AMACR: variants seen among roughly 807,000 people sequenced by gnomAD.
AMACR encodes 2-methylacyl-CoA racemase.
In AMACR, 18 loss-of-function variants were observed where a neutral mutation model predicts 22.2. The ratio of observed to expected loss-of-function variants is 0.81; its 90% confidence interval spans 0.56 to 1.20. The LOEUF (loss-of-function observed/expected upper bound fraction) is 1.20. AMACR is among the 50% of genes most tolerant of loss of function. The pLI, the probability that AMACR is intolerant of heterozygous loss-of-function variation, is 0.00. For missense variants in AMACR, 499 were observed against 490.6 expected (o/e 1.02, Z -0.16); for synonymous variants, 213 against 191.3 (o/e 1.11, Z -0.94).
chr5:33,990,164 C>A (rs114229658), intron 4 of AMACR, among the ~76,000 whole-genome samples: 1 of 152,130 alleles, frequency 6.6e-6, no homozygotes. Context: ...ACCCATCCAT[C>A]CATCCATACA....
chr5:33,988,699 T>C lies in AMACR; in HGVS notation c.*394A>G. 1 of 1,204,176 alleles carries C rather than the reference T, an allele frequency of 8.3e-7. No individual in the cohort carries two copies. The highest frequency in any genetic ancestry group is 2.3e-5 in the South Asian group (1 of 43,428). 74.6% of individuals were successfully genotyped at this position (1,204,176 alleles called of 1,614,324 possible). A position where few individuals can be genotyped will look rare whatever the true frequency, so the allele number is the denominator to read the frequency against. ...CACGTGACTTTTATCACCATACAAT[T>C]TGTGGCATTTCCTCATTTTCTACAT... On this transcript the variant is annotated 3_prime_UTR_variant, in exon 5 of 5. Transcript: ENST00000335606.
Position 34,007,759 on chromosome 5 carries a change from G to A in AMACR, c.247+14C>T. The A allele has an allele frequency of 6.5e-7, 1 of 1,541,930 alleles. No homozygotes were observed. The highest frequency in any genetic ancestry group is 8.7e-7 in the Non-Finnish European group (1 of 1,150,090). ...GGGAACTTCCCGAGAGCAGCCCGCG[G>A]GGCCCGGGCTCACCGCGGCGGAAGG... On this transcript the variant is annotated intron_variant, in intron 1 of 4. Transcript: ENST00000335606.
chr5:33,989,393 C>A lies in AMACR; in HGVS notation c.849G>T (p.Trp283Cys). The A allele has an allele frequency of 6.2e-7, 1 of 1,614,206 alleles. No homozygotes were observed. Among genetic ancestry groups the A allele is most frequent in the Non-Finnish European group, 8.5e-7 (1 of 1,180,028 alleles). The change falls in exon 5 of 5, where the codon TGG (tryptophan) becomes TGT (cysteine). Residue 283 changes from tryptophan (W) to cysteine (C), a missense_variant. Physicochemically the swap from Trp to Cys is radical, Grantham distance 215 (BLOSUM62 -2). Transcript: ENST00000335606. ...DVFAEKTKAE[W>C]CQIFDGTDAC... is the part of the protein sequence containing the mutation. ...CATCTGTGCCGTCAAAGATTTGACA[C>A]CACTCTGCCTTCGTCTTCTCTGCAA...
chr5:33,997,688 G>C (rs1753686123), intron 4 of AMACR: 1 of 648,226 alleles, frequency 1.5e-6, no homozygotes, highest in South Asian at 1.9e-5. Flanking sequence ...TCTGGACAGA[G>C]AGGTACCCTT....
chr5:33,995,159 A>G (rs915782957), intron 4 of AMACR, among the ~76,000 whole-genome samples: 2 of 152,072 alleles, frequency 1.3e-5, no homozygotes, highest in African/African-American at 2.4e-5. Flanking sequence ...TCCCATCCAC[A>G]CTGTGGGGCT....
Position 34,007,868 on chromosome 5 carries a change from C to G in AMACR, c.152G>C (p.Arg51Pro). The G allele has an allele frequency of 6.3e-7, 1 of 1,589,640 alleles. No homozygotes were observed. Among genetic ancestry groups the G allele is most frequent in the Non-Finnish European group, 8.5e-7 (1 of 1,170,530 alleles). Residue 51 changes from arginine to proline, a missense_variant, in exon 1 of 5, where the codon CGC (arginine) becomes CCC (proline). Transcript: ENST00000335606. ...CTGCTTCAGGTCCAGCACTAGCGAG[C>G]GCTTGCCCCGGCCCAAGCGGCTCAC... Reference protein sequence around the residue: ...YDVSRLGRGKRSLVLDLKQPR... With the variant: ...YDVSRLGRGKPSLVLDLKQPR...
chr5:33,986,872 C>T lies in AMACR; in HGVS notation c.*2221G>A, dbSNP rs1383464867. On this transcript the variant is annotated 3_prime_UTR_variant, in exon 5 of 5. Transcript: ENST00000335606. ...CAGGGTTGCCTCACTATCTTCTGGGCTTCTCTGCTCTTTCGTCACCAGTGG... is the reference window on the plus strand; with the variant it reads ...CAGGGTTGCCTCACTATCTTCTGGGTTTCTCTGCTCTTTCGTCACCAGTGG... 1.3e-5 allele frequency: 2 copies of T among 152,200 alleles called. No individual in the cohort carries two copies. The highest frequency in any genetic ancestry group is 2.9e-5 in the Non-Finnish European group (2 of 68,040). The allele number at this position is 152,200 out of a possible 1,614,324, so 9.4% of individuals were successfully genotyped here. A position where few individuals can be genotyped will look rare whatever the true frequency, so the allele number is the denominator to read the frequency against.
chr5:34,005,282 G>A (rs1753936606), intron 2 of AMACR, among the ~76,000 whole-genome samples: 1 of 147,732 alleles, frequency 6.8e-6, no homozygotes, highest in Non-Finnish European at 1.5e-5. Context: ...CTCTAATAAA[G>A]TGATATTAGG....
chr5:33,998,012 A>T (rs1236708357), intron 4 of AMACR, among the ~76,000 whole-genome samples: 1 of 151,480 alleles, frequency 6.6e-6, no homozygotes, highest in Non-Finnish European at 1.5e-5. Flanking sequence ...TAGATTCTAC[A>T]TTATTTATAG....
rs370170828 is a variant in AMACR, at chr5:33,991,920, C to T, written c.740-2418G>A. On this transcript the variant is annotated intron_variant, in intron 4 of 4. Coordinates refer to ENST00000335606, the MANE Select transcript of AMACR (RefSeq NM_014324.6). The stretch of plus-strand genomic sequence containing the variant: ...TTAAGACAGAGTCTCACACTATTGC[C>T]TGGGCTGGAGTGCAATGGCACGATC... 6.6e-5 allele frequency among the ~76,000 whole-genome samples: 10 copies of T among 152,166 alleles called. No homozygotes were observed. The East Asian group carries it at 1.9e-3, about 29-fold the overall frequency.
intron 4 of AMACR, among the ~76,000 whole-genome samples, chr5:33,992,872 A>C (rs1371722004): frequency 1.3e-5 from 2 of 152,030 alleles, no homozygotes; most frequent in African/African-American, 4.8e-5. Flanking sequence ...CAAACATATA[A>C]TTTTAAATTG....
chr5:33,994,490 C>T (rs1753578990), intron 4 of AMACR, among the ~76,000 whole-genome samples: 2 of 152,194 alleles, frequency 1.3e-5, no homozygotes, highest in South Asian at 4.1e-4. Flanking sequence ...CAAAAAATTA[C>T]TACAGATGTG....
chr5:33,991,264 C>T (rs10036477), intron 4 of AMACR, among the ~76,000 whole-genome samples: 8,408 of 152,176 alleles, frequency 0.055, 824 homozygotes, highest in African/African-American at 0.19. Context: ...TCTACCATCC[C>T]TTCACAGCCC....
At chr5:33,991,793 T>C (rs1753484199) in intron 4 of AMACR, among the ~76,000 whole-genome samples, 1 of 151,510 alleles carries the variant, frequency 6.6e-6, no homozygotes, top group East Asian at 1.9e-4. Flanking sequence ...CAGGCTGGAG[T>C]GCGGTGGTGT....
chr5:34,006,759 A>C (rs746928518), intron 1 of AMACR, among the ~76,000 whole-genome samples: 37 of 152,272 alleles, frequency 2.4e-4, no homozygotes, highest in Admixed American at 8.5e-4. Flanking sequence ...GGGTTAAATG[A>C]GTTAACGCAT....
intron 3 of AMACR, among the ~76,000 whole-genome samples, chr5:34,000,968 C>T (rs1477593053): frequency 3.3e-5 from 5 of 152,126 alleles, no homozygotes; most frequent in African/African-American, 1.2e-4. Flanking sequence ...AGTTACAGAT[C>T]CAGTTGGGTC....
intron 4 of AMACR, among the ~76,000 whole-genome samples, chr5:33,992,181 A>C (rs1465534275): frequency 6.6e-6 from 1 of 151,918 alleles, no homozygotes; most frequent in East Asian, 1.9e-4. Flanking sequence ...ACCCGGCCAT[A>C]AAAATTATTT....
chr5:33,989,988 A>C (rs1753425397), intron 4 of AMACR, among the ~76,000 whole-genome samples: 1 of 152,132 alleles, frequency 6.6e-6, no homozygotes, highest in Non-Finnish European at 1.5e-5. Flanking sequence ...AAATACATTC[A>C]TTTATCTTTA....
At position 33,998,847 on chromosome 5, in the gene AMACR, A is replaced by G. The variant is rs1753723272; in HGVS notation, c.553-20T>C. ...TTCCACCTTTGAGAAAACAGAATAC[A>G]AGACAAATCCAGATAACTCAAGTGT... is the stretch of plus-strand genomic sequence containing the variant. On this transcript the variant is annotated intron_variant, in intron 3 of 4. Coordinates refer to ENST00000335606, the MANE Select transcript of AMACR (RefSeq NM_014324.6). 1.2e-6 allele frequency: 2 copies of G among 1,611,402 alleles called. No individual in the cohort carries two copies. The highest frequency in any genetic ancestry group is 1.7e-6 in the Non-Finnish European group (2 of 1,177,562).
Sources: allele counts gnomAD v4.1 joint callset (sites outside exome capture counted in the v4.1 genomes callset), GRCh38; gene constraint gnomAD v4.1.1; transcripts MANE v1.5; gene names NCBI Gene and HGNC (gene_info 2026-07-23, HGNC 2026-07-21).